FOXP2: variants seen among roughly 807,000 people sequenced by gnomAD.
FOXP2 encodes forkhead box P2, also known as forkhead box protein P2.
In FOXP2, 12 loss-of-function variants were observed where a neutral mutation model predicts 115.8. That is an observed-to-expected ratio of 0.10 (90% CI 0.07 to 0.17). The LOEUF (loss-of-function observed/expected upper bound fraction) is 0.17, where lower values mean the gene tolerates loss of function less well. Ranked by LOEUF, FOXP2 falls within the 10% of genes least tolerant of loss-of-function variation. FOXP2 has a pLI of 1.00. For missense variants in FOXP2, 629 were observed against 843.5 expected (o/e 0.75, Z 3.15); for synonymous variants, 328 against 297.7 (o/e 1.10, Z -1.05).
At chr7:114,169,131 C>T (rs1381432906) in intron 1 of FOXP2, among the ~76,000 whole-genome samples, 5 of 145,234 alleles carry the variant, frequency 3.4e-5, no homozygotes, top group Non-Finnish European at 7.6e-5. Context: ...GGTCAGAGCC[C>T]CCACACAGAG....
intron 1 of FOXP2, among the ~76,000 whole-genome samples, chr7:114,151,459 T>C (rs1384514916): frequency 6.6e-6 from 1 of 152,086 alleles, no homozygotes; most frequent in African/African-American, 2.4e-5. Flanking sequence ...GCTTGAAAAT[T>C]GGACACTACA....
At chr7:114,588,609 A>G (rs1477768368) in intron 3 of FOXP2, among the ~76,000 whole-genome samples, 6 of 152,160 alleles carry the variant, frequency 3.9e-5, no homozygotes, top group African/African-American at 1.4e-4. Context: ...AAACAAGTGT[A>G]TGGTCACTGG....
chr7:114,121,224 C>T (rs1791555913), intron 1 of FOXP2, among the ~76,000 whole-genome samples: 1 of 151,916 alleles, frequency 6.6e-6, no homozygotes, highest in African/African-American at 2.4e-5. Flanking sequence ...CACAGAGAGC[C>T]GTCTTACTCT....
chr7:114,138,256 A>AAAAG (rs1367654596), intron 1 of FOXP2, among the ~76,000 whole-genome samples: 1 of 152,160 alleles, frequency 6.6e-6, no homozygotes, highest in Admixed American at 6.5e-5. Flanking sequence ...TCAAGAGGGA[A>AAAAG]AAAGAGTAAC....
At chr7:114,106,484 C>T (rs116891082) in intron 1 of FOXP2, among the ~76,000 whole-genome samples, 2,395 of 151,808 alleles carry the variant, frequency 0.016, 24 homozygotes, top group Non-Finnish European at 0.025. Flanking sequence ...TCGTATCTGA[C>T]CCTATTAATT....
intron 1 of FOXP2, among the ~76,000 whole-genome samples, chr7:114,284,135 A>G (rs1027022144): frequency 1.2e-4 from 19 of 152,176 alleles, no homozygotes; most frequent in African/African-American, 4.6e-4. Flanking sequence ...AATCCAATTT[A>G]AAAGGCTAGA....
At chr7:114,508,081 A>C (rs940755935) in intron 2 of FOXP2, among the ~76,000 whole-genome samples, 1 of 152,036 alleles carries the variant, frequency 6.6e-6, no homozygotes, top group Non-Finnish European at 1.5e-5. Flanking sequence ...CCCTGAAAGC[A>C]TACATACTTT....
intron 1 of FOXP2, among the ~76,000 whole-genome samples, chr7:114,126,424 T>G (rs986407115): frequency 2.0e-5 from 3 of 152,150 alleles, no homozygotes; most frequent in South Asian, 4.1e-4. Flanking sequence ...TCATGAAATA[T>G]GAAAAAATAG....
intron 1 of FOXP2, among the ~76,000 whole-genome samples, chr7:114,249,063 C>T (rs546343337): frequency 2.0e-5 from 3 of 152,150 alleles, no homozygotes; most frequent in South Asian, 2.1e-4. Context: ...CTATGGAACT[C>T]GTGTTTCATT....
At chr7:114,362,051 G>A (rs1465269860) in intron 2 of FOXP2, among the ~76,000 whole-genome samples, 1 of 151,986 alleles carries the variant, frequency 6.6e-6, no homozygotes, top group East Asian at 1.9e-4. Context: ...AAACAATGTT[G>A]ATATGATGAA....
intron 2 of FOXP2, among the ~76,000 whole-genome samples, chr7:114,446,596 A>G (rs1423668419): frequency 1.3e-5 from 2 of 152,100 alleles, no homozygotes; most frequent in African/African-American, 2.4e-5. Context: ...CCAATATTAT[A>G]GCTCTAAGAG....
At chr7:114,303,912 A>T (rs1796937503) in intron 2 of FOXP2, among the ~76,000 whole-genome samples, 1 of 152,090 alleles carries the variant, frequency 6.6e-6, no homozygotes, top group South Asian at 2.1e-4. Context: ...ATTATTTCAC[A>T]TTTTATGGCT....
intron 1 of FOXP2, among the ~76,000 whole-genome samples, chr7:114,174,012 T>C (rs906088655): frequency 1.3e-5 from 2 of 152,008 alleles, no homozygotes; most frequent in African/African-American, 4.8e-5. Context: ...AATAATAATT[T>C]CTTTATTTGG....
intron 2 of FOXP2, among the ~76,000 whole-genome samples, chr7:114,456,511 A>G (rs1399998895): frequency 6.6e-6 from 1 of 152,210 alleles, no homozygotes. Context: ...CCCAAGAATT[A>G]TGAGATTAAA....
At chr7:114,279,438 C>T (rs959391572) in intron 1 of FOXP2, among the ~76,000 whole-genome samples, 4 of 152,086 alleles carry the variant, frequency 2.6e-5, no homozygotes, top group Non-Finnish European at 5.9e-5. Flanking sequence ...CCAGCAACTC[C>T]CAATATCCTA....
At chr7:114,132,416 A>G (rs116381449) in intron 1 of FOXP2, among the ~76,000 whole-genome samples, 3 of 152,128 alleles carry the variant, frequency 2.0e-5, no homozygotes, top group Non-Finnish European at 4.4e-5. Context: ...ACAAAACATA[A>G]AAAAATCACT....
rs572561864 is a variant in FOXP2, at chr7:114,424,082, G to T, written c.-10-2420G>T. The stretch of plus-strand genomic sequence containing the variant: ...TTATAAAGTTAAAAACTCCACAAGG[G>T]CTAAGAATAAAATCCTTTAGTTAAA... On this transcript the variant is annotated intron_variant, in intron 1 of 16. Coordinates refer to ENST00000350908, the MANE Select transcript of FOXP2 (RefSeq NM_014491.4). Among the ~76,000 whole-genome samples the T allele has an allele frequency of 1.3e-3, 204 of 151,522 alleles. 1 individual carries two copies. Among genetic ancestry groups the T allele is most frequent in the African/African-American group, 4.5e-3 (187 of 41,436 alleles).
chr7:114,350,170 T>G (rs1791447794), intron 2 of FOXP2, among the ~76,000 whole-genome samples: 1 of 152,186 alleles, frequency 6.6e-6, no homozygotes, highest in Non-Finnish European at 1.5e-5. Flanking sequence ...GCGATATTTG[T>G]GCAGAACGAG....
intron 1 of FOXP2, among the ~76,000 whole-genome samples, chr7:114,190,346 A>AT (rs1365220758): frequency 6.6e-6 from 1 of 152,200 alleles, no homozygotes. Context: ...GAGGGCCTGA[A>AT]TAGAACAGAA....
Sources: allele counts gnomAD v4.1 joint callset (sites outside exome capture counted in the v4.1 genomes callset), GRCh38; gene constraint gnomAD v4.1.1; transcripts MANE v1.5; gene names NCBI Gene and HGNC (gene_info 2026-07-23, HGNC 2026-07-21).